XXYLT1: variants seen among roughly 807,000 people sequenced by gnomAD.
The protein encoded by XXYLT1 is UDP-xylose:alpha-xyloside alpha-1,3-xylosyltransferase.
In XXYLT1, 20 loss-of-function variants were observed where a neutral mutation model predicts 28.9. The ratio of observed to expected loss-of-function variants is 0.69; its 90% confidence interval spans 0.49 to 1.00. The LOEUF is 1.00. Among genes scored for constraint, XXYLT1 ranks in the 50% least tolerant of loss-of-function variants. The pLI, the probability that XXYLT1 is intolerant of heterozygous loss-of-function variation, is 0.00. For missense variants in XXYLT1, 542 were observed against 560.1 expected, an observed-to-expected ratio of 0.97 and a Z score of 0.33; for synonymous variants, 257 against 253.8, an observed-to-expected ratio of 1.01 and a Z score of -0.12.
chr3:195,187,685 C>T (rs1205843856), intron 2 of XXYLT1, among the ~76,000 whole-genome samples: 1 of 152,110 alleles, frequency 6.6e-6, no homozygotes, highest in African/African-American at 2.4e-5. Flanking sequence ...GAGGTAGAGT[C>T]CCAGTTGATT....
chr3:195,143,829 TAGA>T (rs2108651938), intron 3 of XXYLT1, among the ~76,000 whole-genome samples: 1 of 93,706 alleles, frequency 1.1e-5, no homozygotes, highest in South Asian at 4.1e-4. Flanking sequence ...TAGATATATA[TAGA>T]TATAGATATA....
At chr3:195,141,643 G>A (rs1158365139) in intron 3 of XXYLT1, among the ~76,000 whole-genome samples, 1 of 152,184 alleles carries the variant, frequency 6.6e-6, no homozygotes, top group Non-Finnish European at 1.5e-5. Context: ...AGAGCTCAGT[G>A]GGGTCACACT....
rs1295654009 is a variant in XXYLT1 at position 195,173,832 on chromosome 3, T to G, written c.653-17251A>C. ...ACCAGGGAGTCCCTCCTATGGGCCA[T>G]GAGTGGCAATGACCTCATTTCCCTG... is the stretch of plus-strand genomic sequence containing the variant. On this transcript the variant is annotated intron_variant, in intron 2 of 3. Coordinates refer to ENST00000310380, the MANE Select transcript of XXYLT1 (RefSeq NM_152531.5). This position sits in a 1 kb window ranked among gnomAD's most constrained non-coding sequence, Gnocchi z 4.3. Among the ~76,000 whole-genome samples the G allele has an allele frequency of 6.6e-6, 1 of 152,196 alleles. No homozygotes were observed. Among genetic ancestry groups the G allele is most frequent in the East Asian group, 1.9e-4 (1 of 5,190 alleles).
chr3:195,121,384 T>G (rs1013762885), intron 3 of XXYLT1, among the ~76,000 whole-genome samples: 2 of 152,206 alleles, frequency 1.3e-5, no homozygotes, highest in African/African-American at 4.8e-5. Context: ...GGATGGAGAC[T>G]GACGCCCACC....
Position 195,134,826 on chromosome 3 carries a change from GGTGTGTGTGTGTGT to G in XXYLT1, c.785+21609_785+21622del, listed in dbSNP as rs3073321. 3.9e-3 allele frequency among the ~76,000 whole-genome samples: 566 copies of G among 145,582 alleles called. 2 individuals carry two copies. The highest frequency in any genetic ancestry group is 0.013 in the African/African-American group (489 of 39,086). On this transcript the variant is annotated intron_variant, in intron 3 of 3. Coordinates refer to ENST00000310380, the MANE Select transcript of XXYLT1 (RefSeq NM_152531.5). ...TGGCTGGCATCATGGCGTGAAGAGG[GGTGTGTGTGTGTGT>G]GTGTGTGTGTGTGTGTGTGTGTGTG... is the stretch of plus-strand genomic sequence containing the variant.
At chr3:195,087,776 T>G (rs539438302) in intron 3 of XXYLT1, among the ~76,000 whole-genome samples, 2 of 152,258 alleles carry the variant, frequency 1.3e-5, no homozygotes, top group Non-Finnish European at 2.9e-5. Context: ...GGTACCGGGT[T>G]CATCTCACTA....
chr3:195,270,690 G>C lies in XXYLT1; in HGVS notation c.369C>G (p.Arg123=), dbSNP rs777812959. Residue 123 remains arginine (R), a synonymous_variant, in exon 1 of 4, where the codon CGC becomes CGG. Coordinates refer to ENST00000310380, the MANE Select transcript of XXYLT1 (RefSeq NM_152531.5). The part of the protein sequence containing the change: ...ALQAKARVAL[R]SLLRLAKFEA... ...CGAACTTGGCGAGGCGCAGCAGTGAGCGCAGCGCGACGCGGGCCTTGGCCT... is the reference window on the plus strand; with the variant it reads ...CGAACTTGGCGAGGCGCAGCAGTGACCGCAGCGCGACGCGGGCCTTGGCCT... 6.3e-7 allele frequency: 1 copy of C among 1,588,564 alleles called. No homozygotes were observed. The highest frequency in any genetic ancestry group is 1.1e-5 in the South Asian group (1 of 88,474).
At chr3:195,239,083 C>G (rs184888868) in intron 1 of XXYLT1, among the ~76,000 whole-genome samples, 12 of 152,348 alleles carry the variant, frequency 7.9e-5, no homozygotes, top group Admixed American at 5.9e-4. Context: ...TTGTTCCAGA[C>G]GCTGTGCTGC....
chr3:195,136,785 C>T (rs1419125132), intron 3 of XXYLT1, among the ~76,000 whole-genome samples: 2 of 152,050 alleles, frequency 1.3e-5, no homozygotes, highest in Non-Finnish European at 2.9e-5. Flanking sequence ...GCATGTCTGT[C>T]AAAGGGCATG....
Position 195,078,470 on chromosome 3 carries a change from G to A in XXYLT1, c.786-8359C>T, listed in dbSNP as rs2108644220. ...CTGCAGGCCCACTGTGCCTCCTCCA[G>A]CCTCTCGTGCCCTGGCCCTCTGGGC... is the stretch of plus-strand genomic sequence containing the variant. On this transcript the variant is annotated intron_variant, in intron 3 of 3. Coordinates refer to ENST00000310380, the MANE Select transcript of XXYLT1 (RefSeq NM_152531.5). This position sits in a 1 kb window ranked among gnomAD's most constrained non-coding sequence, Gnocchi z 5.0. Among the ~76,000 whole-genome samples, 1 of 152,082 alleles carries A rather than the reference G, an allele frequency of 6.6e-6. No homozygotes were observed. The highest frequency in any genetic ancestry group is 2.4e-5 in the African/African-American group (1 of 41,474).
intron 3 of XXYLT1, among the ~76,000 whole-genome samples, chr3:195,125,091 A>G (rs73890687): frequency 0.023 from 3,478 of 152,346 alleles, 110 homozygotes; most frequent in African/African-American, 0.078. Context: ...GCTGATAGAA[A>G]AAAGAGAATG....
chr3:195,143,858 A>C lies in XXYLT1; in HGVS notation c.785+12591T>G, dbSNP rs1283090306. 4.6e-4 allele frequency among the ~76,000 whole-genome samples: 43 copies of C among 94,064 alleles called. 2 individuals carry two copies. The highest frequency in any genetic ancestry group is 1.8e-3 in the African/African-American group (41 of 22,422). 61.7% of individuals were successfully genotyped at this position (94,064 alleles called of 152,430 possible). A position where few individuals can be genotyped will look rare whatever the true frequency, so the allele number is the denominator to read the frequency against. ...TATAGATATAGATATATATATAGAT[A>C]TATATAGATATAGATATATATATAT... On this transcript the variant is annotated intron_variant, in intron 3 of 3. Transcript: ENST00000310380.
intron 3 of XXYLT1, among the ~76,000 whole-genome samples, chr3:195,130,072 T>C (rs775936903): frequency 6.6e-6 from 1 of 152,236 alleles, no homozygotes. Flanking sequence ...TGACTAACGA[T>C]GTTGAGCATC....
intron 2 of XXYLT1, among the ~76,000 whole-genome samples, chr3:195,218,692 T>C (rs1369225955): frequency 1.3e-5 from 2 of 151,398 alleles, no homozygotes; most frequent in East Asian, 3.9e-4. Context: ...TGTGGAGAAA[T>C]AGGAACACTT....
At chr3:195,116,859 T>C (rs1465054963) in intron 3 of XXYLT1, among the ~76,000 whole-genome samples, 2 of 151,958 alleles carry the variant, frequency 1.3e-5, no homozygotes, top group East Asian at 3.9e-4. Context: ...CCACAGGTGA[T>C]TGGGGGAAGA....
In XXYLT1 at chr3:195,129,474, G is replaced by A. The variant is rs1345585717; in HGVS notation, c.785+26975C>T. Among the ~76,000 whole-genome samples, 1 of 152,110 alleles carries A rather than the reference G, an allele frequency of 6.6e-6. No individual in the cohort carries two copies. ...CCTCTTCTGGATATTTCATCTCAAT[G>A]GACGCATATAGTGCGGTCTTCTGTG... On this transcript the variant is annotated intron_variant, in intron 3 of 3. Coordinates refer to ENST00000310380, the MANE Select transcript of XXYLT1 (RefSeq NM_152531.5). The surrounding 1 kb of genome is among the most constrained non-coding windows in gnomAD (Gnocchi z 4.4).
chr3:195,110,633 GT>G (rs1237057758), intron 3 of XXYLT1, among the ~76,000 whole-genome samples: 58 of 14,902 alleles, frequency 3.9e-3, no homozygotes, highest in Admixed American at 7.9e-3. Context: ...TGTGTGTGGT[GT>G]GTGATGTATA....
At chr3:195,111,032 C>G (rs1372095620) in intron 3 of XXYLT1, among the ~76,000 whole-genome samples, 2 of 151,972 alleles carry the variant, frequency 1.3e-5, no homozygotes, top group Non-Finnish European at 2.9e-5. Flanking sequence ...ACTGATTGTC[C>G]GCAGTCCTGG....
At chr3:195,125,036 A>G (rs780342142) in intron 3 of XXYLT1, among the ~76,000 whole-genome samples, 7 of 152,254 alleles carry the variant, frequency 4.6e-5, no homozygotes, top group Non-Finnish European at 1.0e-4. Flanking sequence ...GAGCAGTTAC[A>G]GGGAAAGAGA....
Sources: allele counts gnomAD v4.1 joint callset (sites outside exome capture counted in the v4.1 genomes callset), GRCh38; gene constraint gnomAD v4.1.1; non-coding constraint Gnocchi (gnomAD v3.1); transcripts MANE v1.5; gene names NCBI Gene and HGNC (gene_info 2026-07-23, HGNC 2026-07-21).